The following FOXP2 variants were observed in gnomAD, a reference collection of about 807,000 sequenced individuals.
The protein encoded by FOXP2 is forkhead box P2.
A neutral mutation model predicts 115.8 loss-of-function variants in FOXP2; 12 were observed. The observed-to-expected ratio is 0.10, with a 90% confidence interval of 0.07 to 0.17. FOXP2 has a LOEUF of 0.17. Among genes scored for constraint, FOXP2 ranks in the 10% least tolerant of loss-of-function variants. FOXP2 has a pLI of 1.00. For synonymous variants in FOXP2, 328 were observed against 297.7 expected, an observed-to-expected ratio of 1.10 and a Z score of -1.05; for missense variants, 629 against 843.5, an observed-to-expected ratio of 0.75 and a Z score of 3.15.
At position 114,415,282 on chromosome 7, in the gene FOXP2, A is replaced by G. The variant is rs1283089831; in HGVS notation, c.-89A>G. On this transcript the variant is annotated 5_prime_UTR_variant, in exon 1 of 17. Transcript: ENST00000350908. ...CTGTTTTCTGTGCTGGCTTTTTTGA[A>G]TCTTCCTAATTTTTCATCTCTTTAA... The G allele has an allele frequency of 6.6e-6, 3 of 453,514 alleles. No homozygotes were observed. Among genetic ancestry groups the G allele is most frequent in the African/African-American group, 6.0e-5 (3 of 49,874 alleles). 28.1% of individuals were successfully genotyped at this position (453,514 alleles called of 1,614,324 possible).
At chr7:114,666,759 A>G (rs1407807962) in intron 16 of FOXP2, 4 of 152,170 alleles carry the variant, frequency 2.6e-5, no homozygotes, top group African/African-American at 9.7e-5. Flanking sequence ...CCAATTCCAG[A>G]TTCAATAGTT....
chr7:114,400,356 T>A (rs1424052516), intron 2 of FOXP2, among the ~76,000 whole-genome samples: 1 of 152,204 alleles, frequency 6.6e-6, no homozygotes, highest in Non-Finnish European at 1.5e-5. Context: ...TAATTTCCCA[T>A]GTAATTTAAT....
intron 2 of FOXP2, among the ~76,000 whole-genome samples, chr7:114,346,482 C>T (rs545622571): frequency 2.1e-4 from 32 of 151,868 alleles, no homozygotes; most frequent in African/African-American, 7.7e-4. Context: ...CTGCAGTCTG[C>T]TGTTTATTGC....
intron 13 of FOXP2, among the ~76,000 whole-genome samples, 185 bp downstream of exon 13, chr7:114,659,858 G>C (rs1806775072): frequency 6.6e-6 from 1 of 152,164 alleles, no homozygotes; most frequent in Non-Finnish European, 1.5e-5. Context: ...CTCTGATATA[G>C]TTTTCTAATT....
chr7:114,119,606 G>A (rs1791504993), intron 1 of FOXP2, among the ~76,000 whole-genome samples: 1 of 152,064 alleles, frequency 6.6e-6, no homozygotes, highest in Non-Finnish European at 1.5e-5. Flanking sequence ...AACTACTCGG[G>A]AGGCTGAGGC....
intron 1 of FOXP2, among the ~76,000 whole-genome samples, chr7:114,116,801 A>G (rs545319586): frequency 1.3e-5 from 2 of 152,180 alleles, no homozygotes; most frequent in Admixed American, 6.5e-5. Flanking sequence ...GGGTCTCTTC[A>G]TAAGAGAACC....
chr7:114,290,528 G>T (rs1414081050), intron 2 of FOXP2, among the ~76,000 whole-genome samples: 3 of 151,878 alleles, frequency 2.0e-5, no homozygotes, highest in African/African-American at 7.3e-5. Flanking sequence ...TTAAAGATTA[G>T]GTATCATATG....
intron 3 of FOXP2, among the ~76,000 whole-genome samples, chr7:114,580,922 G>A (rs1465443559): frequency 1.3e-5 from 2 of 151,992 alleles, no homozygotes; most frequent in Non-Finnish European, 2.9e-5. Flanking sequence ...TAATTTTTAA[G>A]GAGATCCTGA....
At chr7:114,656,573 C>G in intron 10 of FOXP2, 1 of 417,976 alleles carries the variant, frequency 2.4e-6, no homozygotes, top group Non-Finnish European at 4.8e-6. Context: ...CATTTAGGAG[C>G]ATTATCTCAG....
rs981279246 is a variant in FOXP2 at position 114,198,018 on chromosome 7, C to G, written c.-102+34930C>G. Among the ~76,000 whole-genome samples, 6 of 152,018 alleles carry G rather than the reference C, an allele frequency of 3.9e-5. No homozygotes were observed. The East Asian group carries it at 1.2e-3, about 29-fold the overall frequency. On this transcript the variant is annotated intron_variant, in intron 1 of 17. Transcript: ENST00000634411. The stretch of plus-strand genomic sequence containing the variant: ...TAGCTGGGATTACAGGCATGCACCA[C>G]CATGCCCAGTTAATTTTTGTATTTT...
At chr7:114,264,153 TTC>T (rs1795835577) in intron 1 of FOXP2, among the ~76,000 whole-genome samples, 1 of 152,154 alleles carries the variant, frequency 6.6e-6, no homozygotes, top group Non-Finnish European at 1.5e-5. Context: ...CTTACTTCTC[TTC>T]ACCCTTATTC....
rs549918454 is a variant in FOXP2, at chr7:114,221,246, T to A, written c.-102+58158T>A. Among the ~76,000 whole-genome samples the A allele has an allele frequency of 2.6e-5, 4 of 152,322 alleles. No individual in the cohort carries two copies. The South Asian group carries it at 8.3e-4, about 32-fold the overall frequency. On this transcript the variant is annotated intron_variant, in intron 1 of 17. Coordinates refer to the FOXP2 transcript ENST00000634411. ...AATTTAATTCTGAATTATAATATTC[T>A]TCATATGGGTAAAAACAGTTTACTT...
At chr7:114,490,071 T>C (rs1277659683) in intron 2 of FOXP2, among the ~76,000 whole-genome samples, 1 of 152,190 alleles carries the variant, frequency 6.6e-6, no homozygotes, top group Admixed American at 6.6e-5. Flanking sequence ...TGTGCTCTTC[T>C]GCATCCCCAA....
chr7:114,654,363 A>C (rs905681295), intron 10 of FOXP2, among the ~76,000 whole-genome samples: 2 of 152,166 alleles, frequency 1.3e-5, no homozygotes, highest in Non-Finnish European at 2.9e-5. Flanking sequence ...CAAATCACAA[A>C]TAGAAATGTA....
chr7:114,534,366 T>G (rs1419411931), intron 2 of FOXP2, among the ~76,000 whole-genome samples: 1 of 151,868 alleles, frequency 6.6e-6, no homozygotes, highest in Non-Finnish European at 1.5e-5. Flanking sequence ...ATGATTTTTA[T>G]CCTCTTTAAG....
chr7:114,185,995 G>C (rs1168897979), intron 1 of FOXP2, among the ~76,000 whole-genome samples: 1 of 150,842 alleles, frequency 6.6e-6, no homozygotes, highest in Non-Finnish European at 1.5e-5. Flanking sequence ...CAAAGAGAAA[G>C]AGAAAAAGGA....
In FOXP2 at chr7:114,530,087, A is replaced by T. The variant is rs532687155; in HGVS notation, c.169-4530A>T. Among the ~76,000 whole-genome samples the T allele has an allele frequency of 9.9e-5, 15 of 151,964 alleles. No homozygotes were observed. The East Asian group carries it at 2.9e-3, about 29-fold the overall frequency. On this transcript the variant is annotated intron_variant, in intron 2 of 16. Coordinates refer to ENST00000350908, the MANE Select transcript of FOXP2 (RefSeq NM_014491.4). The stretch of plus-strand genomic sequence containing the variant: ...TGGCAATTTTTTTTTGGTTCTGGTT[A>T]TCTGCAAAGTATACACCCCTTGTCA...
At chr7:114,521,516 C>T (rs1274144015) in intron 2 of FOXP2, among the ~76,000 whole-genome samples, 1 of 107,906 alleles carries the variant, frequency 9.3e-6, no homozygotes, top group Non-Finnish European at 1.7e-5. Context: ...CTGGGCAAAA[C>T]AGCAGGACAC....
intron 1 of FOXP2, among the ~76,000 whole-genome samples, chr7:114,090,375 C>T (rs1226335384): frequency 6.6e-6 from 1 of 151,780 alleles, no homozygotes; most frequent in Admixed American, 6.5e-5. Context: ...TTGTCTTATT[C>T]ATAAATGAAT....
Sources: gnomAD v4.1 joint callset for allele counts (sites outside exome capture counted in the v4.1 genomes callset) on GRCh38, gnomAD v4.1.1 for gene constraint, MANE v1.5 for transcripts, NCBI Gene and HGNC (gene_info 2026-07-23, HGNC 2026-07-21) for gene names.